Variants in PLD5 observed in about 807,000 individuals in gnomAD.
PLD5 encodes the protein phospholipase D family member 5.
PLD5 carries 36 observed loss-of-function variants against 61.1 expected under a neutral mutation model. The observed-to-expected ratio is 0.59, with a 90% CI of 0.45 to 0.78. The LOEUF is 0.78. Ranked by LOEUF, PLD5 falls within the 30% of genes least tolerant of loss-of-function variation. The pLI is 0.00. For missense variants in PLD5, 515 were observed against 644.4 expected, an observed-to-expected ratio of 0.80 and a Z score of 2.17; for synonymous variants, 243 against 242.8, an observed-to-expected ratio of 1.00 and a Z score of -0.01.
intron 5 of PLD5, among the ~76,000 whole-genome samples, chr1:242,207,768 A>ATATT (rs1553324771): frequency 1.2e-5 from 1 of 85,474 alleles, no homozygotes; most frequent in African/African-American, 6.4e-5. Flanking sequence ...TTATATTTAT[A>ATATT]TATATTTATA....
chr1:242,404,875 A>ACTTTTTTTTTTTTTT (rs1664139323), intron 1 of PLD5, among the ~76,000 whole-genome samples: 1 of 75,408 alleles, frequency 1.3e-5, no homozygotes, highest in African/African-American at 6.1e-5. Context: ...TTCCCTGCTA[A>ACTTTTTTTTTTTTTT]TTTTTTTTTT....
intron 1 of PLD5, among the ~76,000 whole-genome samples, chr1:242,457,249 C>G (rs2654866): frequency 0.49 from 75,141 of 151,968 alleles, 19,739 homozygotes; most frequent in African/African-American, 0.66. Flanking sequence ...AGCCCACAAG[C>G]CCAAGCTATT....
intron 5 of PLD5, among the ~76,000 whole-genome samples, chr1:242,213,873 T>G (rs1282934857): frequency 2.6e-5 from 4 of 151,620 alleles, no homozygotes; most frequent in Non-Finnish European, 5.9e-5. Context: ...TTTTTTTTTT[T>G]GCTCACATAC....
At chr1:242,229,651 G>A (rs1170448190) in intron 4 of PLD5, among the ~76,000 whole-genome samples, 3 of 152,118 alleles carry the variant, frequency 2.0e-5, no homozygotes, top group Non-Finnish European at 4.4e-5. Context: ...GAATGGAACA[G>A]CTTTTTTATT....
intron 6 of PLD5, among the ~76,000 whole-genome samples, chr1:242,123,534 C>T (rs1662546923): frequency 6.6e-6 from 1 of 152,032 alleles, no homozygotes; most frequent in Non-Finnish European, 1.5e-5. Flanking sequence ...TTCACACTCG[C>T]TCACACTGGG....
intron 8 of PLD5, among the ~76,000 whole-genome samples, chr1:242,104,297 C>CTTTTTTTTTTTT (rs368132707): frequency 7.7e-6 from 1 of 129,572 alleles, no homozygotes. Flanking sequence ...CTAGTTTTTG[C>CTTTTTTTTTTTT]TTTTTTTTTT....
At chr1:242,197,944 T>C (rs952183308) in intron 5 of PLD5, among the ~76,000 whole-genome samples, 1 of 152,226 alleles carries the variant, frequency 6.6e-6, no homozygotes, top group African/African-American at 2.4e-5. Flanking sequence ...GTATTCTATA[T>C]ATACTCTTTA....
intron 4 of PLD5, among the ~76,000 whole-genome samples, chr1:242,263,361 C>T (rs1385769871): frequency 1.3e-5 from 2 of 151,820 alleles, no homozygotes; most frequent in African/African-American, 4.8e-5. Context: ...GAATCCCTCC[C>T]CTGCAAAAAG....
intron 5 of PLD5, among the ~76,000 whole-genome samples, chr1:242,145,144 C>A (rs764646871): frequency 2.0e-5 from 3 of 152,056 alleles, no homozygotes; most frequent in African/African-American, 4.8e-5. Context: ...GAACACAGAG[C>A]AGCTCCAGGA....
At chr1:242,181,809 A>T (rs1427748864) in intron 5 of PLD5, among the ~76,000 whole-genome samples, 1 of 151,876 alleles carries the variant, frequency 6.6e-6, no homozygotes, top group Non-Finnish European at 1.5e-5. Flanking sequence ...TGCCTAGCTA[A>T]TTTTTGTATT....
intron 9 of PLD5, among the ~76,000 whole-genome samples, chr1:242,091,508 A>G (rs1659820581): frequency 6.6e-6 from 1 of 152,192 alleles, no homozygotes; most frequent in Admixed American, 6.5e-5. Context: ...AGATACCCCA[A>G]AGGATACAGT....
chr1:242,219,885 A>T, intron 5 of PLD5, 103 bp downstream of exon 5: 1 of 1,399,822 alleles, frequency 7.1e-7, no homozygotes. Context: ...AAGAATAATA[A>T]ATGCTGTAGG....
At chr1:242,386,416 G>A (rs139439256) in intron 1 of PLD5, among the ~76,000 whole-genome samples, 777 of 152,232 alleles carry the variant, frequency 5.1e-3, no homozygotes, top group Non-Finnish European at 8.2e-3. Flanking sequence ...ACAACCTGAC[G>A]TCATGTACCT....
intron 5 of PLD5, among the ~76,000 whole-genome samples, chr1:242,167,077 A>ATT (rs1666362443): frequency 3.2e-4 from 9 of 28,290 alleles, no homozygotes; most frequent in African/African-American, 4.7e-4. Context: ...CAATAATAAT[A>ATT]GTAATAATAA....
rs998032824 is a variant in PLD5 at position 242,089,155 on chromosome 1, C to A, written c.*699G>T. The A allele has an allele frequency of 2.5e-6, 1 of 393,526 alleles. No homozygotes were observed. The highest frequency in any genetic ancestry group is 2.1e-5 in the African/African-American group (1 of 48,468). The allele number at this position is 393,526 out of a possible 1,614,324, so 24.4% of individuals were successfully genotyped here. A position where few individuals can be genotyped will look rare whatever the true frequency, so the allele number is the denominator to read the frequency against. On this transcript the variant is annotated 3_prime_UTR_variant, in exon 10 of 10. Coordinates refer to ENST00000536534, the MANE Select transcript of PLD5 (RefSeq NM_001372062.1). ...GGTGAAAATGAAAGACTGCTATTTC[C>A]ACTTAGTATCCATTCTGAAAAATTT...
chr1:242,163,240 T>G (rs1027399582), intron 5 of PLD5, among the ~76,000 whole-genome samples: 5 of 148,098 alleles, frequency 3.4e-5, no homozygotes, highest in African/African-American at 1.3e-4. Flanking sequence ...GCCTCCCGGG[T>G]TCATGCCATT....
intron 1 of PLD5, among the ~76,000 whole-genome samples, chr1:242,500,291 T>G (rs1156422849): frequency 6.6e-6 from 1 of 152,216 alleles, no homozygotes; most frequent in Non-Finnish European, 1.5e-5. Context: ...AAATACAGTT[T>G]ATTTGGTTAC....
chr1:242,328,623 T>C (rs1437761381), intron 2 of PLD5, among the ~76,000 whole-genome samples: 7 of 152,222 alleles, frequency 4.6e-5, no homozygotes, highest in Non-Finnish European at 8.8e-5. Flanking sequence ...GTAGTTTGCA[T>C]AGTACATTTG....
intron 1 of PLD5, among the ~76,000 whole-genome samples, chr1:242,404,407 C>T (rs1430520505): frequency 6.6e-6 from 1 of 152,164 alleles, no homozygotes; most frequent in Admixed American, 6.5e-5. Context: ...CTAGGAACAT[C>T]AATCATTTTC....
Sources: gnomAD v4.1 joint callset for allele counts (sites outside exome capture counted in the v4.1 genomes callset) on GRCh38, gnomAD v4.1.1 for gene constraint, MANE v1.5 for transcripts, NCBI Gene and HGNC (gene_info 2026-07-23, HGNC 2026-07-21) for gene names.